The following MED27 variants were observed in gnomAD, a reference collection of about 807,000 sequenced individuals.
The protein encoded by MED27 is mediator of RNA polymerase II transcription subunit 27.
Under a neutral mutation model 38.2 loss-of-function variants are expected in MED27, and 30 were observed. The observed-to-expected ratio is 0.79, with a 90% CI of 0.59 to 1.07. The LOEUF is 1.07. Ranked by LOEUF, MED27 falls within the 50% of genes least tolerant of loss-of-function variation. The pLI is 0.00. For missense variants in MED27, 289 were observed against 397.5 expected, an observed-to-expected ratio of 0.73 and a Z score of 2.32; for synonymous variants, 122 against 153.5, an observed-to-expected ratio of 0.79 and a Z score of 1.52.
chr9:132,052,149 A>C (rs1833478244), intron 2 of MED27, among the ~76,000 whole-genome samples: 1 of 152,176 alleles, frequency 6.6e-6, no homozygotes, highest in Admixed American at 6.5e-5. Flanking sequence ...CGGCACCAGC[A>C]GGCCCTGGGT....
intron 3 of MED27, among the ~76,000 whole-genome samples, chr9:131,947,352 T>C (rs750375988): frequency 6.6e-6 from 1 of 152,192 alleles, no homozygotes; most frequent in Non-Finnish European, 1.5e-5. Context: ...CTGCATGTGT[T>C]TTAGTAGAAG....
chr9:131,867,525 C>T (rs1478467919), intron 6 of MED27, among the ~76,000 whole-genome samples: 3 of 152,236 alleles, frequency 2.0e-5, no homozygotes, highest in African/African-American at 7.2e-5. Context: ...AATGGGCCAC[C>T]ATGTTGGCCA....
At chr9:132,001,501 G>A (rs903419289) in intron 3 of MED27, among the ~76,000 whole-genome samples, 7 of 152,092 alleles carry the variant, frequency 4.6e-5, no homozygotes, top group Non-Finnish European at 8.8e-5. Flanking sequence ...AATTTAACTA[G>A]AGGGATCAAA....
At chr9:132,046,644 G>A (rs560725684) in intron 2 of MED27, among the ~76,000 whole-genome samples, 123 of 152,214 alleles carry the variant, frequency 8.1e-4, no homozygotes, top group Middle Eastern at 6.8e-3. Context: ...CCAAGCAATC[G>A]TAGCAGTGGT....
chr9:132,015,099 G>A (rs1225084988), intron 2 of MED27, among the ~76,000 whole-genome samples: 1 of 152,140 alleles, frequency 6.6e-6, no homozygotes, highest in Non-Finnish European at 1.5e-5. Flanking sequence ...ATCATACACA[G>A]ATTCAAACAT....
chr9:131,879,798 C>T (rs1428360066), intron 6 of MED27, among the ~76,000 whole-genome samples: 1 of 152,206 alleles, frequency 6.6e-6, no homozygotes, highest in Non-Finnish European at 1.5e-5. Context: ...TCCCAAACAG[C>T]GTCTTTCTGG....
rs116393162 is a variant in MED27 at position 132,018,686 on chromosome 9, C to G, written c.349-4219G>C. 8.7e-3 allele frequency among the ~76,000 whole-genome samples: 1,326 copies of G among 152,302 alleles called. 12 individuals carry two copies. The highest frequency in any genetic ancestry group is 0.03 in the African/African-American group (1,241 of 41,566). On this transcript the variant is annotated intron_variant, in intron 2 of 7. Transcript: ENST00000292035. ...TGGAGCCTCCCTGGGGTCCCTGCTA[C>G]AGCATCCCATCATATGCAGCACTGC...
intron 3 of MED27, among the ~76,000 whole-genome samples, chr9:131,986,620 C>CT (rs1337939156): frequency 7.2e-5 from 11 of 152,170 alleles, no homozygotes; most frequent in Non-Finnish European, 1.3e-4. Flanking sequence ...GGTTTGTAGC[C>CT]TAGGAGTAAC....
At chr9:131,976,511 A>G (rs764625937) in intron 3 of MED27, among the ~76,000 whole-genome samples, 2 of 152,226 alleles carry the variant, frequency 1.3e-5, no homozygotes, top group Non-Finnish European at 2.9e-5. Flanking sequence ...CAGGACCCTG[A>G]GTGCAGGTCC....
chr9:131,976,282 C>T (rs573202167), intron 3 of MED27, among the ~76,000 whole-genome samples: 1 of 152,164 alleles, frequency 6.6e-6, no homozygotes, highest in East Asian at 1.9e-4. Flanking sequence ...CCAGAATGAA[C>T]CCAGACTCTG....
intron 4 of MED27, among the ~76,000 whole-genome samples, chr9:131,910,219 A>G (rs1830162427): frequency 6.6e-6 from 1 of 152,192 alleles, no homozygotes; most frequent in African/African-American, 2.4e-5. Flanking sequence ...GATTAATGAG[A>G]AAATTTTATT....
intron 3 of MED27, among the ~76,000 whole-genome samples, chr9:132,001,976 G>A (rs1832246048): frequency 6.6e-6 from 1 of 152,212 alleles, no homozygotes; most frequent in Non-Finnish European, 1.5e-5. Flanking sequence ...AGGGCTGGGA[G>A]TCACTGTTGT....
intron 4 of MED27, among the ~76,000 whole-genome samples, chr9:131,923,117 CCTT>C (rs559986027): frequency 8.8e-4 from 134 of 152,264 alleles, no homozygotes; most frequent in Non-Finnish European, 1.2e-3. Flanking sequence ...TGCTTCTAGA[CCTT>C]CTCAGCAGAC....
intron 3 of MED27, among the ~76,000 whole-genome samples, chr9:131,949,377 G>A (rs11243574): frequency 0.087 from 13,296 of 152,022 alleles, 695 homozygotes; most frequent in East Asian, 0.19. Context: ...TCTTTGCCTC[G>A]CTCAATCTCT....
At chr9:131,912,687 T>G (rs1027762640) in intron 4 of MED27, among the ~76,000 whole-genome samples, 1 of 152,216 alleles carries the variant, frequency 6.6e-6, no homozygotes, top group African/African-American at 2.4e-5. Context: ...GTTCAAGAAC[T>G]TTCAAAGATC....
chr9:132,070,862 CCACA>C (rs1833921038), intron 2 of MED27, among the ~76,000 whole-genome samples: 1 of 151,856 alleles, frequency 6.6e-6, no homozygotes, highest in South Asian at 2.1e-4. Flanking sequence ...GAACTGCCCC[CCACA>C]CACTAATTCA....
intron 3 of MED27, among the ~76,000 whole-genome samples, chr9:131,963,625 G>A (rs372274798): frequency 3.3e-5 from 5 of 152,182 alleles, no homozygotes; most frequent in South Asian, 4.2e-4. Context: ...GAATGCCTAC[G>A]CTTAATTTTT....
At chr9:131,908,482 CT>C (rs1271636376) in intron 4 of MED27, among the ~76,000 whole-genome samples, 1 of 152,174 alleles carries the variant, frequency 6.6e-6, no homozygotes, top group Admixed American at 6.5e-5. Context: ...GGTGCCGTGT[CT>C]GTGTAGAAAG....
rs183682778 is a variant in MED27 at position 131,998,170 on chromosome 9, A to C, written c.479+16167T>G. On this transcript the variant is annotated intron_variant, in intron 3 of 7. Transcript: ENST00000292035. The stretch of plus-strand genomic sequence containing the variant: ...GTTCACACGCAAGTCTCAGAAACAA[A>C]AAGGGAAGGAGCGCACTTGGGGAGA... Among the ~76,000 whole-genome samples, 25 of 152,218 alleles carry C rather than the reference A, an allele frequency of 1.6e-4. No individual in the cohort carries two copies. The East Asian group carries it at 4.6e-3, about 28-fold the overall frequency.
Sources: allele counts gnomAD v4.1 joint callset (sites outside exome capture counted in the v4.1 genomes callset), GRCh38; gene constraint gnomAD v4.1.1; transcripts MANE v1.5; gene names NCBI Gene and HGNC (gene_info 2026-07-23, HGNC 2026-07-21).